Variants in CDH18 observed in about 807,000 individuals in gnomAD.
CDH18 encodes the protein cadherin 18.
A neutral mutation model predicts 67.9 loss-of-function variants in CDH18; 31 were observed. That is an observed-to-expected ratio of 0.46 (90% CI 0.34 to 0.62). CDH18 has a LOEUF of 0.62. Ranked by LOEUF, CDH18 falls within the 20% of genes least tolerant of loss-of-function variation. CDH18 has a pLI of 0.01. For synonymous variants in CDH18, 362 were observed against 347.2 expected (o/e 1.04, Z -0.48); for missense variants, 890 against 975.5 (o/e 0.91, Z 1.17).
chr5:19,933,502 A>G (rs1342813115), intron 2 of CDH18, among the ~76,000 whole-genome samples: 1 of 151,404 alleles, frequency 6.6e-6, no homozygotes, highest in African/African-American at 2.4e-5. Context: ...TATTGTCCCA[A>G]TTTTTGCCTT....
chr5:20,573,894 AAT>A (rs1228423094), intron 1 of CDH18, among the ~76,000 whole-genome samples: 2 of 123,570 alleles, frequency 1.6e-5, no homozygotes, highest in Admixed American at 7.8e-5. Flanking sequence ...ATATAAAAGA[AAT>A]ATATATATGT....
intron 7 of CDH18, 45 bp from the exon 8 acceptor site, chr5:19,571,877 ATAT>A (rs1741479390): frequency 3.4e-6 from 5 of 1,478,236 alleles, no homozygotes; most frequent in South Asian, 1.2e-5. Context: ...AAAAAAAGTC[ATAT>A]TATGACTTTC....
At chr5:19,561,887 G>A (rs1419837360) in intron 8 of CDH18, among the ~76,000 whole-genome samples, 2 of 152,054 alleles carry the variant, frequency 1.3e-5, no homozygotes, top group Admixed American at 6.6e-5. Context: ...TTATGACATT[G>A]AACAATAAAC....
At chr5:20,034,641 T>C (rs1403583022) in intron 2 of CDH18, among the ~76,000 whole-genome samples, 1 of 152,034 alleles carries the variant, frequency 6.6e-6, no homozygotes, top group African/African-American at 2.4e-5. Context: ...CCTTCTACCT[T>C]TAAACTTGGG....
chr5:19,712,591 T>C (rs1764835636), intron 5 of CDH18, among the ~76,000 whole-genome samples: 1 of 151,404 alleles, frequency 6.6e-6, no homozygotes, highest in South Asian at 2.1e-4. Flanking sequence ...AAAAATAACA[T>C]AGAAGCAGTG....
At chr5:19,613,830 A>G (rs1030081880) in intron 5 of CDH18, among the ~76,000 whole-genome samples, 1 of 152,162 alleles carries the variant, frequency 6.6e-6, no homozygotes, top group African/African-American at 2.4e-5. Context: ...AAATATCTGT[A>G]TATCTATGTG....
chr5:19,703,489 G>A (rs1239898861), intron 5 of CDH18, among the ~76,000 whole-genome samples: 1 of 152,006 alleles, frequency 6.6e-6, no homozygotes, highest in African/African-American at 2.4e-5. Flanking sequence ...AGGAGGGAGA[G>A]GTTTGTCCCT....
chr5:20,413,554 G>A (rs1290784106), intron 1 of CDH18, among the ~76,000 whole-genome samples: 1 of 152,166 alleles, frequency 6.6e-6, no homozygotes, highest in African/African-American at 2.4e-5. Flanking sequence ...GCATTTCTCT[G>A]ACGACCAGTG....
intron 8 of CDH18, among the ~76,000 whole-genome samples, chr5:19,561,373 T>C (rs763440979): frequency 1.3e-5 from 2 of 152,084 alleles, no homozygotes; most frequent in Non-Finnish European, 2.9e-5. Context: ...ATGGATGGAA[T>C]TGGAAACCAT....
chr5:19,668,914 T>C (rs1758333346), intron 5 of CDH18, among the ~76,000 whole-genome samples: 1 of 151,604 alleles, frequency 6.6e-6, no homozygotes, highest in Admixed American at 6.6e-5. Flanking sequence ...ATTCTTGAGA[T>C]TATATTAAAA....
At chr5:20,164,003 C>A (rs755524464) in intron 2 of CDH18, among the ~76,000 whole-genome samples, 10 of 150,466 alleles carry the variant, frequency 6.6e-5, no homozygotes, top group Non-Finnish European at 1.3e-4. Flanking sequence ...ACATATTGAT[C>A]AACAACTCAA....
chr5:19,790,712 A>G (rs1009861347), intron 3 of CDH18, among the ~76,000 whole-genome samples: 2 of 152,132 alleles, frequency 1.3e-5, no homozygotes, highest in African/African-American at 4.8e-5. Context: ...TCTGTTTATA[A>G]AGGATCAATC....
chr5:19,766,055 A>C (rs1467508855), intron 3 of CDH18, among the ~76,000 whole-genome samples: 1 of 151,654 alleles, frequency 6.6e-6, no homozygotes, highest in Non-Finnish European at 1.5e-5. Context: ...ATTTTTGTAT[A>C]TTTAGTAGGG....
chr5:20,046,302 C>T (rs1740886153), intron 2 of CDH18, among the ~76,000 whole-genome samples: 1 of 151,844 alleles, frequency 6.6e-6, no homozygotes, highest in African/African-American at 2.4e-5. Flanking sequence ...AATGAAGTTG[C>T]CATCTCTTTC....
chr5:20,168,476 T>G (rs1736462819), intron 2 of CDH18, among the ~76,000 whole-genome samples: 1 of 152,114 alleles, frequency 6.6e-6, no homozygotes, highest in Admixed American at 6.6e-5. Flanking sequence ...AATCTATGTA[T>G]TTGTGCTTTC....
At position 20,177,975 on chromosome 5, in the gene CDH18, C is replaced by T. The variant is rs542410603; in HGVS notation, c.-518+77469G>A. On this transcript the variant is annotated intron_variant, in intron 2 of 14. Transcript: ENST00000507958. ...TTTCTTTTGTAAATTGACCAGTCTTCGGTATGTCTTTATCAGCAGCACGAG... is the reference window on the plus strand; with the variant it reads ...TTTCTTTTGTAAATTGACCAGTCTTTGGTATGTCTTTATCAGCAGCACGAG... 4.6e-5 allele frequency among the ~76,000 whole-genome samples: 7 copies of T among 152,096 alleles called. No individual in the cohort carries two copies. The East Asian group carries it at 7.8e-4, about 17-fold the overall frequency.
intron 1 of CDH18, among the ~76,000 whole-genome samples, chr5:20,321,473 A>C (rs1272862508): frequency 6.6e-6 from 1 of 152,038 alleles, no homozygotes; most frequent in Admixed American, 6.6e-5. Context: ...AGTCAAGCAG[A>C]AACTTAGGAA....
At chr5:20,134,267 T>G (rs1489224231) in intron 2 of CDH18, among the ~76,000 whole-genome samples, 2 of 152,194 alleles carry the variant, frequency 1.3e-5, no homozygotes, top group African/African-American at 4.8e-5. Context: ...TGAGTCACCA[T>G]GCCCAGCCTA....
At chr5:20,146,678 CA>C (rs1750674775) in intron 2 of CDH18, among the ~76,000 whole-genome samples, 1 of 149,474 alleles carries the variant, frequency 6.7e-6, no homozygotes, top group Non-Finnish European at 1.5e-5. Context: ...TAACTTTTAC[CA>C]CAAACAAAAA....
Sources: allele counts gnomAD v4.1 joint callset (sites outside exome capture counted in the v4.1 genomes callset), GRCh38; gene constraint gnomAD v4.1.1; transcripts MANE v1.5; gene names NCBI Gene and HGNC (gene_info 2026-07-23, HGNC 2026-07-21).